Variants in TENM2 observed in about 807,000 individuals in gnomAD.
The protein encoded by TENM2 is teneurin-2.
Under a neutral mutation model 245.2 loss-of-function variants are expected in TENM2, and 52 were observed. The observed-to-expected ratio is 0.21, with a 90% CI of 0.17 to 0.27. TENM2 has a LOEUF of 0.27. Ranked by LOEUF, TENM2 falls within the 10% of genes least tolerant of loss-of-function variation. The pLI, the probability that TENM2 is intolerant of heterozygous loss-of-function variation, is 1.00. For synonymous variants in TENM2, 1,363 were observed against 1,438.9 expected (o/e 0.95, Z 1.19); for missense variants, 3,046 against 3,666.8 (o/e 0.83, Z 4.37).
chr5:167,142,986 T>C, the TENM2 span, among the ~76,000 whole-genome samples: 1 of 152,230 alleles, frequency 6.6e-6, no homozygotes. Flanking sequence ...GTTTTCTATC[T>C]CTACAATGTG....
rs546576996 is a variant in TENM2, at chr5:168,203,964, A to G, written c.3574+132A>G. On this transcript the variant is annotated intron_variant, in intron 18 of 28. Transcript: ENST00000518659. ...TTTTCATCAAGTGCCCAAAATATGC[A>G]TGGATTTTCCTACCTTCTTCTTTTA... The G allele has an allele frequency of 8.6e-6, 5 of 582,000 alleles. No homozygotes were observed. In the East Asian group the frequency reaches 1.3e-4, roughly 15 times the overall value. 36.1% of individuals were successfully genotyped at this position (582,000 alleles called of 1,614,324 possible).
intron 2 of TENM2, among the ~76,000 whole-genome samples, chr5:167,397,397 C>A (rs1762116178): frequency 6.6e-6 from 1 of 152,032 alleles, no homozygotes; most frequent in Non-Finnish European, 1.5e-5. Flanking sequence ...ATCACAAAAA[C>A]ATTCTGAAAA....
At chr5:167,301,900 T>C (rs1214362131) in intron 1 of TENM2, among the ~76,000 whole-genome samples, 1 of 151,924 alleles carries the variant, frequency 6.6e-6, no homozygotes, top group Non-Finnish European at 1.5e-5. Flanking sequence ...GGGGAGGTGA[T>C]AAAAGGATTA....
At chr5:167,915,461 G>T (rs1055436653) in intron 3 of TENM2, among the ~76,000 whole-genome samples, 16 of 152,054 alleles carry the variant, frequency 1.1e-4, no homozygotes, top group Admixed American at 9.2e-4. Flanking sequence ...GCTCCATATT[G>T]AATTGCTTTT....
rs374211778 is a variant in TENM2, at chr5:167,520,932, CTT to C, written c.502+145475_502+145476del. Among the ~76,000 whole-genome samples the C allele has an allele frequency of 2.8e-3, 360 of 130,462 alleles. 1 individual carries two copies. The highest frequency in any genetic ancestry group is 3.4e-3 in the Non-Finnish European group (207 of 61,352). 85.6% of individuals were successfully genotyped at this position (130,462 alleles called of 152,430 possible). A position where few individuals can be genotyped will look rare whatever the true frequency, so the allele number is the denominator to read the frequency against. ...CAACTTTTTCCATTTATTCTTTTTC[CTT>C]TTTTTTTTTTTTTTTGGTGCCAGGT... On this transcript the variant is annotated intron_variant, in intron 2 of 28. Transcript: ENST00000518659.
intron 3 of TENM2, among the ~76,000 whole-genome samples, chr5:167,919,475 G>A (rs899122247): frequency 6.6e-6 from 1 of 152,344 alleles, no homozygotes; most frequent in East Asian, 1.9e-4. Context: ...GTGGTATTGG[G>A]TAGGAAGCCT....
chr5:167,409,770 T>C (rs1347805123), intron 2 of TENM2, among the ~76,000 whole-genome samples: 1 of 151,904 alleles, frequency 6.6e-6, no homozygotes, highest in Non-Finnish European at 1.5e-5. Context: ...GGTGTGTGTG[T>C]TTGTGTGTGT....
intron 2 of TENM2, among the ~76,000 whole-genome samples, chr5:167,492,381 G>A (rs929235637): frequency 2.6e-5 from 4 of 152,028 alleles, no homozygotes; most frequent in Non-Finnish European, 5.9e-5. Context: ...ATTAATAATA[G>A]CACCTATGCC....
intron 2 of TENM2, among the ~76,000 whole-genome samples, chr5:167,675,807 A>G (rs1170065588): frequency 6.6e-6 from 1 of 152,138 alleles, no homozygotes; most frequent in Non-Finnish European, 1.5e-5. Context: ...GTTAAGTCAG[A>G]GAGTCGCATT....
At chr5:168,037,350 C>T (rs536869726) in intron 5 of TENM2, among the ~76,000 whole-genome samples, 1 of 152,232 alleles carries the variant, frequency 6.6e-6, no homozygotes, top group South Asian at 2.1e-4. Context: ...TCATTTCTCA[C>T]TCCTGAAAAA....
the TENM2 span, among the ~76,000 whole-genome samples, chr5:166,989,776 G>C: frequency 9.5e-4 from 144 of 150,974 alleles, no homozygotes; most frequent in Non-Finnish European, 1.9e-3. Flanking sequence ...GTGTGTCAGA[G>C]TGTGAACTTA....
intron 1 of TENM2, among the ~76,000 whole-genome samples, chr5:167,342,232 A>C (rs914451471): frequency 6.6e-6 from 1 of 151,924 alleles, no homozygotes; most frequent in Non-Finnish European, 1.5e-5. Context: ...TCTGGTTGTG[A>C]TGGTTTCTCA....
chr5:167,755,477 A>T (rs975414562), intron 2 of TENM2, among the ~76,000 whole-genome samples: 1 of 152,066 alleles, frequency 6.6e-6, no homozygotes, highest in Admixed American at 6.6e-5. Context: ...AATATGTGAA[A>T]ATAAATATAA....
chr5:167,142,464 AT>A, the TENM2 span, among the ~76,000 whole-genome samples: 1 of 151,298 alleles, frequency 6.6e-6, no homozygotes, highest in Non-Finnish European at 1.5e-5. Context: ...TTTTATCCAT[AT>A]ATATATAAAT....
chr5:167,536,923 C>T (rs1398276685), intron 2 of TENM2, among the ~76,000 whole-genome samples: 2 of 151,922 alleles, frequency 1.3e-5, no homozygotes, highest in African/African-American at 4.8e-5. Flanking sequence ...ACTTGGGAGG[C>T]TGAGGCAGGA....
chr5:167,125,701 G>A, the TENM2 span, among the ~76,000 whole-genome samples: 9 of 152,010 alleles, frequency 5.9e-5, no homozygotes, highest in Non-Finnish European at 1.2e-4. Flanking sequence ...GACTGTAATC[G>A]TCCGTATGCA....
intron 5 of TENM2, among the ~76,000 whole-genome samples, chr5:168,032,804 G>A (rs905064256): frequency 2.0e-5 from 3 of 152,170 alleles, no homozygotes; most frequent in African/African-American, 7.2e-5. Context: ...AGAGGAAGGG[G>A]AAAATGCAGA....
chr5:167,965,917 G>A (rs1781356091), intron 4 of TENM2, among the ~76,000 whole-genome samples: 1 of 152,158 alleles, frequency 6.6e-6, no homozygotes, highest in Non-Finnish European at 1.5e-5. Flanking sequence ...AAGGGCGGGG[G>A]CTGGAAAAAA....
intron 2 of TENM2, among the ~76,000 whole-genome samples, chr5:167,818,888 G>C (rs1767279904): frequency 6.6e-6 from 1 of 152,146 alleles, no homozygotes; most frequent in African/African-American, 2.4e-5. Context: ...GTTGTTTCCA[G>C]ATGTGGCCAG....
Sources: allele counts gnomAD v4.1 joint callset (sites outside exome capture counted in the v4.1 genomes callset), GRCh38; gene constraint gnomAD v4.1.1; transcripts MANE v1.5; gene names NCBI Gene and HGNC (gene_info 2026-07-23, HGNC 2026-07-21).